KLC1: variants seen among roughly 807,000 people sequenced by gnomAD.
KLC1 encodes the protein kinesin light chain 1, also known as kinesin 2 60/70kDa.
Under a neutral mutation model 84.2 loss-of-function variants are expected in KLC1, and 30 were observed. The observed-to-expected ratio is 0.36, with a 90% CI of 0.27 to 0.48. The LOEUF (loss-of-function observed/expected upper bound fraction) is 0.48. Ranked by LOEUF, KLC1 falls within the 20% of genes least tolerant of loss-of-function variation. The pLI, the probability that KLC1 is intolerant of heterozygous loss-of-function variation, is 0.99. For synonymous variants in KLC1, 289 were observed against 293.3 expected, an observed-to-expected ratio of 0.99 and a Z score of 0.15; for missense variants, 499 against 805.4, an observed-to-expected ratio of 0.62 and a Z score of 4.60.
intron 1 of KLC1, among the ~76,000 whole-genome samples, chr14:103,640,789 C>T (rs565723153): frequency 1.3e-5 from 2 of 152,234 alleles, no homozygotes; most frequent in South Asian, 4.1e-4. Flanking sequence ...TACAGATTTA[C>T]AGAAAAGTTG....
At chr14:103,686,236 G>T (rs762432228) in intron 13 of KLC1, 9 of 985,864 alleles carry the variant, frequency 9.1e-6, no homozygotes, top group Non-Finnish European at 1.1e-5. Context: ...CCTGTGTCTT[G>T]GTGTCTGTCT....
At chr14:103,695,562 A>G in intron 15 of KLC1, 1 of 985,374 alleles carries the variant, frequency 1.0e-6, no homozygotes, top group Non-Finnish European at 1.2e-6. Context: ...GATGCTGAGC[A>G]GAGTTTGGAA....
rs558786131 is a variant in KLC1 at position 103,692,344 on chromosome 14, G to A, written c.1782-15G>A. Reference sequence around the variant, plus strand: ...GCTGATCGTTTGTCCTTGCATGTCCGTGTCCGGGTTGCAGCATGAAGCGTG... The same window carrying A: ...GCTGATCGTTTGTCCTTGCATGTCCATGTCCGGGTTGCAGCATGAAGCGTG... On this transcript the variant is annotated splice_polypyrimidine_tract_variant and intron_variant, in intron 14 of 16. Coordinates refer to ENST00000334553, the MANE Select transcript of KLC1 (RefSeq NM_001394837.1). The A allele has an allele frequency of 7.7e-5, 118 of 1,536,300 alleles. No individual in the cohort carries two copies. The highest frequency in any genetic ancestry group is 1.5e-4 in the South Asian group (13 of 84,070).
intron 14 of KLC1, among the ~76,000 whole-genome samples, chr14:103,691,893 C>T (rs1340696273): frequency 1.3e-4 from 20 of 152,090 alleles, no homozygotes. Flanking sequence ...ACTTCTGCCT[C>T]CTGAGCAGCT....
intron 3 of KLC1, among the ~76,000 whole-genome samples, chr14:103,661,594 A>G (rs1179981289): frequency 6.6e-6 from 1 of 151,890 alleles, no homozygotes; most frequent in Non-Finnish European, 1.5e-5. Flanking sequence ...GTAGTTTCTG[A>G]TTTTATTTCT....
chr14:103,644,215 A>AG (rs2077717352), intron 1 of KLC1, among the ~76,000 whole-genome samples: 1 of 62,816 alleles, frequency 1.6e-5, no homozygotes, highest in Admixed American at 1.5e-4. Context: ...ACTCTGTCTC[A>AG]AAAAAAAAAA....
chr14:103,696,528 G>C lies in KLC1; in HGVS notation c.1848+4103G>C, dbSNP rs1367538777. ...CATAACTGTATGGAATTTTCTTGGA[G>C]GATGTCATTAGCTTCTGTTTGCACT... On this transcript the variant is annotated intron_variant, in intron 15 of 16. Coordinates refer to ENST00000334553, the MANE Select transcript of KLC1 (RefSeq NM_001394837.1). 5.1e-6 allele frequency: 5 copies of C among 985,356 alleles called. No homozygotes were observed. The African/African-American group carries it at 8.7e-5, about 17-fold the overall frequency. The allele number at this position is 985,356 out of a possible 1,614,324, so 61.0% of individuals were successfully genotyped here. A position where few individuals can be genotyped will look rare whatever the true frequency, so the allele number is the denominator to read the frequency against.
Position 103,677,518 on chromosome 14 carries a change from A to C in KLC1, c.1483A>C (p.Lys495Gln). 2 of 1,608,624 alleles carry C rather than the reference A, an allele frequency of 1.2e-6. No homozygotes were observed. The highest frequency in any genetic ancestry group is 1.7e-6 in the Non-Finnish European group (2 of 1,175,096). Residue 495 changes from lysine to glutamine, a missense_variant, in exon 12 of 17, where the codon AAA (lysine) becomes CAA (glutamine). Physicochemically the swap from Lys to Gln is moderately conservative, Grantham distance 53. Around this residue, in one of 3 missense-constraint regions of KLC1, gnomAD observed 167 missense variants for 208.8 expected, o/e 0.80. Transcript: ENST00000334553. ...TLEEAAMRSR[K>Q]QGLDNVHKQR... ...AGAAGAAGCTGCTATGAGGTCTCGT[A>C]AACAGGTTAGTCATACTTCTGTCCT...
chr14:103,662,207 T>C lies in KLC1; in HGVS notation c.571+13T>C. On this transcript the variant is annotated intron_variant, in intron 4 of 16. Coordinates refer to ENST00000334553, the MANE Select transcript of KLC1 (RefSeq NM_001394837.1). ...CCAGGGCAAGGAAGTGAGTGATGGGTGATGCAGGCATGTTACCGAGTGCAG... is the reference window on the plus strand; with the variant it reads ...CCAGGGCAAGGAAGTGAGTGATGGGCGATGCAGGCATGTTACCGAGTGCAG... 1 of 1,595,366 alleles carries C rather than the reference T, an allele frequency of 6.3e-7. No homozygotes were observed.
chr14:103,644,487 C>T (rs971936334), intron 1 of KLC1, among the ~76,000 whole-genome samples: 2 of 152,056 alleles, frequency 1.3e-5, no homozygotes, highest in Non-Finnish European at 2.9e-5. Flanking sequence ...TCTTGAACTC[C>T]TGACCTCCTG....
chr14:103,638,656 ATTTTTTTT>A (rs57470429), intron 1 of KLC1, among the ~76,000 whole-genome samples: 6 of 100,120 alleles, frequency 6.0e-5, no homozygotes, highest in South Asian at 3.5e-4. Flanking sequence ...CATTTCATTA[ATTTTTTTT>A]TTTTTTTTTT....
At chr14:103,689,738 C>T (rs923999880) in intron 14 of KLC1, among the ~76,000 whole-genome samples, 2 of 152,210 alleles carry the variant, frequency 1.3e-5, no homozygotes, top group African/African-American at 4.8e-5. Context: ...TTGGCTGACT[C>T]CTAACAGTGA....
intron 15 of KLC1, among the ~76,000 whole-genome samples, chr14:103,699,761 T>A (rs931054620): frequency 6.6e-6 from 1 of 152,108 alleles, no homozygotes; most frequent in Non-Finnish European, 1.5e-5. Context: ...AGGCCCCAAC[T>A]ATAGAAGCTT....
chr14:103,699,005 T>C (rs2151904481), intron 15 of KLC1: 2 of 1,589,960 alleles, frequency 1.3e-6, no homozygotes, highest in Non-Finnish European at 1.7e-6. Flanking sequence ...GGGAAACACG[T>C]TCGTCCCAGA....
At chr14:103,653,506 GAGAC>G (rs1346763076) in intron 1 of KLC1, among the ~76,000 whole-genome samples, 1 of 152,128 alleles carries the variant, frequency 6.6e-6, no homozygotes, top group Non-Finnish European at 1.5e-5. Flanking sequence ...ATTTTTAGTT[GAGAC>G]AGGGTTTCGC....
At position 103,657,720 on chromosome 14, in the gene KLC1, A is replaced by T; in HGVS notation, c.436A>T (p.Lys146Ter). 1 of 1,614,182 alleles carries T rather than the reference A, an allele frequency of 6.2e-7. No individual in the cohort carries two copies. ...QSVAQLEEEK[K>*]HLEFMNQLKK... ...TGTGGCTCAACTGGAGGAGGAGAAG[A>T]AGCATCTGGAGTTTATGAATCAGCT... Residue 146 changes from lysine (K) to a stop codon, truncating the protein, a stop_gained, in exon 3 of 17, where the codon AAG (lysine) becomes TAG (stop). Transcript: ENST00000334553. LOFTEE classifies it high-confidence loss of function.
In KLC1 at chr14:103,693,774, C is replaced by T. The variant is rs1425424327; in HGVS notation, c.1848+1349C>T. 35 of 1,423,246 alleles carry T rather than the reference C, an allele frequency of 2.5e-5. No homozygotes were observed. The highest frequency in any genetic ancestry group is 3.2e-5 in the Non-Finnish European group (35 of 1,092,700). 88.2% of individuals were successfully genotyped at this position (1,423,246 alleles called of 1,614,324 possible). A position where few individuals can be genotyped will look rare whatever the true frequency, so the allele number is the denominator to read the frequency against. The stretch of plus-strand genomic sequence containing the variant: ...CCTTGGAGGTGCCTTTTCAAAACAC[C>T]CGGGAGGCCGTGCCTCAGCATTCTG... On this transcript the variant is annotated intron_variant, in intron 15 of 16. Transcript: ENST00000334553. This position sits in a 1 kb window ranked among gnomAD's most constrained non-coding sequence, Gnocchi z 5.1.
intron 15 of KLC1, chr14:103,697,172 G>A: frequency 1.0e-5 from 10 of 970,076 alleles, no homozygotes; most frequent in Non-Finnish European, 1.1e-5. Flanking sequence ...CACTTTTGCA[G>A]AAAGGCTGTT....
chr14:103,647,411 C>G (rs1174250738), intron 1 of KLC1, among the ~76,000 whole-genome samples: 1 of 150,732 alleles, frequency 6.6e-6, no homozygotes, highest in Non-Finnish European at 1.5e-5. Flanking sequence ...TTTTTTTTTA[C>G]TAGAGATGGG....
Sources: gnomAD v4.1 joint callset for allele counts (sites outside exome capture counted in the v4.1 genomes callset) on GRCh38, gnomAD v4.1.1 for gene constraint, gnomAD v4.1.1 regional missense constraint, Gnocchi (gnomAD v3.1) non-coding constraint, MANE v1.5 for transcripts, NCBI Gene and HGNC (gene_info 2026-07-23, HGNC 2026-07-21) for gene names.